HMCN1: variants seen among roughly 807,000 people sequenced by gnomAD.
HMCN1 encodes hemicentin-1.
Under a neutral mutation model 625.9 loss-of-function variants are expected in HMCN1, and 321 were observed. That is an observed-to-expected ratio of 0.51 (90% CI 0.47 to 0.56). The LOEUF is 0.56. HMCN1 is among the 20% of genes least tolerant of loss of function. The pLI is 0.00. For missense variants in HMCN1, 6,588 were observed against 6,887.3 expected, an observed-to-expected ratio of 0.96 and a Z score of 1.54; for synonymous variants, 2,425 against 2,417.6, an observed-to-expected ratio of 1.00 and a Z score of -0.09.
intron 24 of HMCN1, among the ~76,000 whole-genome samples, chr1:185,995,662 A>G (rs1482132089): frequency 1.3e-5 from 2 of 152,148 alleles, no homozygotes; most frequent in East Asian, 3.9e-4. Context: ...ACAAATAAAC[A>G]AGAAATACGA....
chr1:185,906,634 T>C (rs2102444980), intron 4 of HMCN1, among the ~76,000 whole-genome samples: 1 of 152,004 alleles, frequency 6.6e-6, no homozygotes, highest in South Asian at 2.1e-4. Flanking sequence ...CACCCAGACA[T>C]AGACTATAAA....
At chr1:185,762,450 A>G (rs1655575560) in intron 1 of HMCN1, among the ~76,000 whole-genome samples, 1 of 152,134 alleles carries the variant, frequency 6.6e-6, no homozygotes, top group Non-Finnish European at 1.5e-5. Flanking sequence ...AACTGAACAA[A>G]ACTTGTGGCT....
intron 67 of HMCN1, among the ~76,000 whole-genome samples, chr1:186,094,731 T>C (rs4651298): frequency 0.64 from 97,360 of 152,112 alleles, 33,338 homozygotes; most frequent in African/African-American, 0.9. Context: ...TGGATGCATG[T>C]GCATATATGC....
chr1:185,990,141 G>A, intron 21 of HMCN1, 134 bp from the exon 22 acceptor site: 1 of 865,152 alleles, frequency 1.2e-6, no homozygotes, highest in Non-Finnish European at 2.0e-6. Flanking sequence ...TTAATGGAAA[G>A]TTTTAGCTTA....
intron 4 of HMCN1, among the ~76,000 whole-genome samples, chr1:185,894,164 C>A (rs1038830111): frequency 8.4e-5 from 12 of 142,538 alleles, no homozygotes; most frequent in African/African-American, 1.2e-4. Context: ...ACAAAAAAAA[C>A]AAAACAAAAA....
chr1:186,179,748 CT>C (rs1222089429), intron 104 of HMCN1, among the ~76,000 whole-genome samples: 1 of 149,078 alleles, frequency 6.7e-6, no homozygotes, highest in East Asian at 1.9e-4. Context: ...AACATTTCTT[CT>C]CCTTCTATCT....
At chr1:185,823,662 G>T (rs1660335710) in intron 1 of HMCN1, among the ~76,000 whole-genome samples, 1 of 152,124 alleles carries the variant, frequency 6.6e-6, no homozygotes, top group Admixed American at 6.6e-5. Flanking sequence ...TCACATGACT[G>T]AATGCCAGAA....
At position 185,922,387 on chromosome 1, in the gene HMCN1, C is replaced by T; in HGVS notation, c.909C>T (p.Ser303=). ...EAGMWTVKTS[S]SGRHSVRITG... is the part of the protein sequence containing the mutation. ...TCATTAAACATTTTCAGACCTCAAGCAGTGGAAGGCACTCTGTTCGCATTA... is the reference window on the plus strand; with the variant it reads ...TCATTAAACATTTTCAGACCTCAAGTAGTGGAAGGCACTCTGTTCGCATTA... The change falls in exon 7 of 107, where the codon AGC becomes AGT. Residue 303 remains serine, a synonymous_variant. Coordinates refer to ENST00000271588, the MANE Select transcript of HMCN1 (RefSeq NM_031935.3). 3.1e-6 allele frequency: 5 copies of T among 1,613,470 alleles called. No individual in the cohort carries two copies. Among genetic ancestry groups the T allele is most frequent in the Non-Finnish European group, 4.2e-6 (5 of 1,179,706 alleles).
intron 97 of HMCN1, among the ~76,000 whole-genome samples, chr1:186,157,498 T>A (rs556222263): frequency 6.6e-6 from 1 of 152,316 alleles, no homozygotes; most frequent in South Asian, 2.1e-4. Flanking sequence ...ACTTTTTTTT[T>A]ATTATACTTT....
chr1:185,911,586 T>A (rs1666422625), intron 5 of HMCN1, 88 bp from the exon 6 acceptor site: 3 of 968,738 alleles, frequency 3.1e-6, no homozygotes, highest in Non-Finnish European at 5.1e-6. Flanking sequence ...AATTTGATCA[T>A]GCTCTTAGTT....
chr1:186,109,348 C>T (rs1039670562), intron 71 of HMCN1, among the ~76,000 whole-genome samples: 1 of 152,148 alleles, frequency 6.6e-6, no homozygotes, highest in African/African-American at 2.4e-5. Flanking sequence ...CATGGAGAGG[C>T]CAGGTTCTGA....
At chr1:186,092,598 A>G (rs1186170255) in intron 64 of HMCN1, among the ~76,000 whole-genome samples, 1 of 151,940 alleles carries the variant, frequency 6.6e-6, no homozygotes, top group Non-Finnish European at 1.5e-5. Context: ...ATCTCATTGT[A>G]TATTTATCTT....
intron 23 of HMCN1, chr1:185,993,535 A>C (rs746729963): frequency 2.1e-6 from 1 of 470,804 alleles, no homozygotes; most frequent in Non-Finnish European, 3.8e-6. Context: ...ACTATGTTAA[A>C]TTTTTGGATC....
chr1:185,977,714 A>T, intron 15 of HMCN1, 73 bp from the exon 16 acceptor site: 1 of 930,180 alleles, frequency 1.1e-6, no homozygotes, highest in Non-Finnish European at 1.8e-6. Flanking sequence ...TTGACAGTTT[A>T]ATATTTAAGT....
At chr1:186,145,156 G>A (rs1329941104) in intron 91 of HMCN1, among the ~76,000 whole-genome samples, 2 of 152,186 alleles carry the variant, frequency 1.3e-5, no homozygotes, top group African/African-American at 2.4e-5. Flanking sequence ...CCAGCTCCTG[G>A]AATATTTTAA....
At chr1:186,119,597 G>T in intron 78 of HMCN1, 148 bp from the exon 79 acceptor site, 1 of 831,864 alleles carries the variant, frequency 1.2e-6, no homozygotes, top group Non-Finnish European at 1.9e-6. Context: ...AAAGAATGCA[G>T]TGTGGCCAAC....
chr1:185,979,147 G>A (rs1419933854), intron 16 of HMCN1, among the ~76,000 whole-genome samples: 2 of 152,142 alleles, frequency 1.3e-5, no homozygotes, highest in Non-Finnish European at 2.9e-5. Flanking sequence ...CATTCTCTGA[G>A]TGGATGCCCA....
chr1:185,743,885 G>A (rs541453938), intron 1 of HMCN1, among the ~76,000 whole-genome samples: 1 of 151,784 alleles, frequency 6.6e-6, no homozygotes, highest in Admixed American at 6.6e-5. Context: ...ATAGATAGTG[G>A]AAGGAAGGCA....
At chr1:186,143,478 A>G (rs75724326) in intron 89 of HMCN1, among the ~76,000 whole-genome samples, 2,496 of 152,328 alleles carry the variant, frequency 0.016, 25 homozygotes, top group Middle Eastern at 0.037. Context: ...TTGTGGTCCA[A>G]TGATGTGATG....
Sources: gnomAD v4.1 joint callset for allele counts (sites outside exome capture counted in the v4.1 genomes callset) on GRCh38, gnomAD v4.1.1 for gene constraint, MANE v1.5 for transcripts, NCBI Gene and HGNC (gene_info 2026-07-23, HGNC 2026-07-21) for gene names.